FRMD4B: variants seen among roughly 807,000 people sequenced by gnomAD.
The protein encoded by FRMD4B is FERM domain-containing protein 4B.
Under a neutral mutation model 141.5 loss-of-function variants are expected in FRMD4B, and 74 were observed. The observed-to-expected ratio is 0.52, with a 90% confidence interval of 0.43 to 0.63. The LOEUF (loss-of-function observed/expected upper bound fraction) is 0.63, where lower values mean the gene tolerates loss of function less well. FRMD4B is among the 30% of genes least tolerant of loss of function. The pLI is 0.00. For synonymous variants in FRMD4B, 506 were observed against 467.9 expected (o/e 1.08, Z -1.05); for missense variants, 1,366 against 1,253.4 (o/e 1.09, Z -1.36).
At chr3:69,452,193 G>C (rs537649684) in intron 1 of FRMD4B, among the ~76,000 whole-genome samples, 1 of 152,190 alleles carries the variant, frequency 6.6e-6, no homozygotes, top group Non-Finnish European at 1.5e-5. Context: ...AACAGTGATC[G>C]GAAGAGAAAT....
At chr3:69,197,075 C>A in intron 12 of FRMD4B, 37 bp from the exon 13 acceptor site, 1 of 1,587,584 alleles carries the variant, frequency 6.3e-7, no homozygotes, top group Middle Eastern at 1.7e-4. Flanking sequence ...TAATTCCCCT[C>A]TGGCCCAGCA....
At chr3:69,285,388 A>G (rs1700641836) in intron 5 of FRMD4B, among the ~76,000 whole-genome samples, 1 of 142,550 alleles carries the variant, frequency 7.0e-6, no homozygotes, top group Non-Finnish European at 1.5e-5. Flanking sequence ...AATGAGGCAT[A>G]CATGAGGCCA....
chr3:69,307,295 C>T (rs1401761608), intron 3 of FRMD4B, among the ~76,000 whole-genome samples: 2 of 152,136 alleles, frequency 1.3e-5, no homozygotes, highest in Non-Finnish European at 2.9e-5. Flanking sequence ...AATCTCAGGG[C>T]AGACAACAAG....
intron 11 of FRMD4B, among the ~76,000 whole-genome samples, chr3:69,209,062 C>T (rs6777899): frequency 0.97 from 147,632 of 151,884 alleles, 71,875 homozygotes; most frequent in Non-Finnish European, 1. Context: ...AAGAATGGCT[C>T]GAACCTGGGA....
chr3:69,267,213 C>A lies in FRMD4B; in HGVS notation c.502-17114G>T, dbSNP rs148923437. Among the ~76,000 whole-genome samples, 28 of 152,228 alleles carry A rather than the reference C, an allele frequency of 1.8e-4. No homozygotes were observed. The East Asian group carries it at 5.0e-3, about 27-fold the overall frequency. On this transcript the variant is annotated intron_variant, in intron 5 of 22. Transcript: ENST00000398540. The stretch of plus-strand genomic sequence containing the variant: ...CAGTGAGTTAGAGAAATCCATATTT[C>A]ACAAATTGAGAGATCTTCTAAGGCA...
intron 17 of FRMD4B, 106 bp downstream of exon 17, chr3:69,193,542 G>C (rs999151539): frequency 2.6e-5 from 17 of 652,266 alleles, no homozygotes; most frequent in African/African-American, 1.6e-4. Flanking sequence ...TTGATCACCT[G>C]GTTCTTCCTT....
intron 11 of FRMD4B, among the ~76,000 whole-genome samples, chr3:69,207,316 AAAAAAAAG>A (rs1452487950): frequency 1.1e-4 from 17 of 150,566 alleles, no homozygotes; most frequent in Non-Finnish European, 1.5e-5. Flanking sequence ...TTAAAAAAAA[AAAAAAAAG>A]AAAGAAAGAA....
intron 1 of FRMD4B, among the ~76,000 whole-genome samples, chr3:69,382,884 G>A (rs1285837962): frequency 6.6e-6 from 1 of 152,168 alleles, no homozygotes; most frequent in East Asian, 1.9e-4. Flanking sequence ...AGGTCTGAAA[G>A]CATGGTACCC....
intron 11 of FRMD4B, among the ~76,000 whole-genome samples, chr3:69,203,814 G>T (rs889947457): frequency 5.3e-5 from 8 of 152,196 alleles, no homozygotes; most frequent in African/African-American, 1.9e-4. Context: ...AGAACTCTCA[G>T]TTCACCTCTC....
At chr3:69,427,643 G>GTATTTTTT (rs1705105882) in intron 2 of FRMD4B, among the ~76,000 whole-genome samples, 1 of 36,238 alleles carries the variant, frequency 2.8e-5, no homozygotes, top group African/African-American at 1.1e-4. Context: ...CTAGGTAAAT[G>GTATTTTTT]TTTTTTTTTT....
chr3:69,297,239 C>T (rs1159569391), intron 4 of FRMD4B, among the ~76,000 whole-genome samples: 1 of 152,124 alleles, frequency 6.6e-6, no homozygotes, highest in African/African-American at 2.4e-5. Flanking sequence ...AGGCCAGGAG[C>T]GATGAGAAGG....
rs1292136186 is a variant in FRMD4B at position 69,224,801 on chromosome 3, C to T, written c.582-111G>A. 1.8e-5 allele frequency: 12 copies of T among 656,312 alleles called. No individual in the cohort carries two copies. The Admixed American group carries it at 3.1e-4, about 17-fold the overall frequency. The allele number at this position is 656,312 out of a possible 1,614,324, so 40.7% of individuals were successfully genotyped here. ...AATAACTATTTACAGCATGTTGGAGCCAACATACACATGGTTATGGACTCT... is the reference window on the plus strand; with the variant it reads ...AATAACTATTTACAGCATGTTGGAGTCAACATACACATGGTTATGGACTCT... On this transcript the variant is annotated intron_variant, in intron 7 of 22. Transcript: ENST00000398540.
chr3:69,385,986 C>A lies in FRMD4B; in HGVS notation c.4G>T (p.Ala2Ser), dbSNP rs1167346006. M[A>S]SVFMCGVEDL... Reference sequence around the variant, plus strand: ...TCCACGCCACACATGAACACCGAAGCCATGCCTCCTCCTTCGCTCTGAACC... The same window carrying A: ...TCCACGCCACACATGAACACCGAAGACATGCCTCCTCCTTCGCTCTGAACC... The change falls in exon 1 of 23, where the codon GCT becomes TCT. Residue 2 changes from alanine (A) to serine (S), a missense_variant. By Grantham distance (99) the Ala-to-Ser change is moderately conservative. Transcript: ENST00000398540. 2 of 1,588,660 alleles carry A rather than the reference C, an allele frequency of 1.3e-6. No individual in the cohort carries two copies. Among genetic ancestry groups the A allele is most frequent in the Non-Finnish European group, 8.6e-7 (1 of 1,165,730 alleles).
At chr3:69,478,438 A>G (rs1706043224) in intron 1 of FRMD4B, among the ~76,000 whole-genome samples, 1 of 152,046 alleles carries the variant, frequency 6.6e-6, no homozygotes, top group Non-Finnish European at 1.5e-5. Flanking sequence ...TAACATCTTT[A>G]TTTCTGCCTT....
Position 69,319,175 on chromosome 3 carries a change from G to A in FRMD4B, c.163-5658C>T, listed in dbSNP as rs1701909024. On this transcript the variant is annotated intron_variant, in intron 1 of 22. Transcript: ENST00000398540. The stretch of plus-strand genomic sequence containing the variant: ...TAAGGCCTGACAAGTGATGTAACTT[G>A]CACAGGAGTTCTAATGCAGTTATAC... 2.0e-5 allele frequency among the ~76,000 whole-genome samples: 3 copies of A among 152,288 alleles called. No individual in the cohort carries two copies. The South Asian group carries it at 6.2e-4, about 32-fold the overall frequency.
At chr3:69,393,555 G>A (rs1244845407) in intron 2 of FRMD4B, among the ~76,000 whole-genome samples, 1 of 152,108 alleles carries the variant, frequency 6.6e-6, no homozygotes, top group Non-Finnish European at 1.5e-5. Flanking sequence ...TCAATCTTGT[G>A]ACTGACCTCC....
intron 1 of FRMD4B, among the ~76,000 whole-genome samples, chr3:69,504,614 C>T (rs1706564713): frequency 6.6e-6 from 1 of 152,138 alleles, no homozygotes; most frequent in African/African-American, 2.4e-5. Context: ...GTTTGTGAGG[C>T]TCATCCACAT....
intron 1 of FRMD4B, among the ~76,000 whole-genome samples, chr3:69,373,836 GCA>G (rs1397013717): frequency 6.6e-6 from 1 of 152,170 alleles, no homozygotes; most frequent in East Asian, 1.9e-4. Flanking sequence ...TTGCACCAAT[GCA>G]CTCTAGCCTG....
chr3:69,361,088 G>T (rs1045265946), intron 1 of FRMD4B, among the ~76,000 whole-genome samples: 1 of 152,124 alleles, frequency 6.6e-6, no homozygotes. Context: ...GGTGGTCAAA[G>T]TGCATTTTGT....
Sources: allele counts gnomAD v4.1 joint callset (sites outside exome capture counted in the v4.1 genomes callset), GRCh38; gene constraint gnomAD v4.1.1; transcripts MANE v1.5; gene names NCBI Gene and HGNC (gene_info 2026-07-23, HGNC 2026-07-21).